The following RGS3 variants were observed in gnomAD, a reference collection of about 807,000 sequenced individuals.
RGS3 encodes regulator of G-protein signalling 3.
Under a neutral mutation model 132.6 loss-of-function variants are expected in RGS3, and 80 were observed. The observed-to-expected ratio is 0.60, with a 90% CI of 0.50 to 0.73. The LOEUF (loss-of-function observed/expected upper bound fraction) is 0.73. Among genes scored for constraint, RGS3 ranks in the 30% least tolerant of loss-of-function variants. The pLI, the probability that RGS3 is intolerant of heterozygous loss-of-function variation, is 0.00. For synonymous variants in RGS3, 598 were observed against 620.6 expected (o/e 0.96, Z 0.54); for missense variants, 1,382 against 1,530.8 (o/e 0.90, Z 1.62).
intron 20 of RGS3, among the ~76,000 whole-genome samples, chr9:113,586,077 A>G (rs935786261): frequency 7.2e-5 from 11 of 152,226 alleles, no homozygotes; most frequent in Non-Finnish European, 1.5e-4. Flanking sequence ...CCCAGACCCT[A>G]TATTTTAAAC....
At chr9:113,556,972 A>G (rs971049913) in intron 19 of RGS3, among the ~76,000 whole-genome samples, 1 of 152,198 alleles carries the variant, frequency 6.6e-6, no homozygotes, top group Non-Finnish European at 1.5e-5. Context: ...TGTCAACAGC[A>G]GCTGCGATGA....
At chr9:113,482,412 A>C (rs1564468708) in intron 4 of RGS3, among the ~76,000 whole-genome samples, 1 of 152,160 alleles carries the variant, frequency 6.6e-6, no homozygotes, top group African/African-American at 2.4e-5. Context: ...AACTCACTCT[A>C]GCTTATATGG....
At chr9:113,479,424 C>G (rs899959497) in intron 3 of RGS3, 67 bp from the exon 2 acceptor site, 1 of 1,451,700 alleles carries the variant, frequency 6.9e-7, no homozygotes, top group Non-Finnish European at 9.7e-7. Context: ...GTCACCTTTC[C>G]TCTAGTTTTT....
intron 10 of RGS3, chr9:113,501,366 A>T (rs942341989): frequency 1.5e-6 from 2 of 1,319,394 alleles, no homozygotes; most frequent in African/African-American, 3.0e-5. Context: ...CTTCCTTGTC[A>T]TTCTGAGGTT....
At chr9:113,446,852 GGGCAGAGACTCAGGAA>G (rs1457871547) in intron 1 of RGS3, among the ~76,000 whole-genome samples, 1 of 152,124 alleles carries the variant, frequency 6.6e-6, no homozygotes, top group Non-Finnish European at 1.5e-5. Flanking sequence ...ATTATCAGTT[GGGCAGAGACTCAGGAA>G]GGCAGTATTT....
At chr9:113,509,956 C>T (rs1831325716) in intron 14 of RGS3, among the ~76,000 whole-genome samples, 1 of 151,978 alleles carries the variant, frequency 6.6e-6, no homozygotes, top group South Asian at 2.1e-4. Context: ...TTTTATTTTT[C>T]CATAGATTAT....
intron 13 of RGS3, 66 bp from the exon 12 acceptor site, chr9:113,508,475 G>A: frequency 6.3e-7 from 1 of 1,595,408 alleles, no homozygotes. Context: ...CCCGTGTCCA[G>A]CAGCCTCCTG....
intron 1 of RGS3, among the ~76,000 whole-genome samples, chr9:113,452,589 A>G (rs1829268751): frequency 6.6e-6 from 1 of 151,798 alleles, no homozygotes; most frequent in Admixed American, 6.6e-5. Context: ...CCCAACCACT[A>G]TTTCTTTAAA....
chr9:113,457,070 A>G (rs1829378546), upstream of RGS3, among the ~76,000 whole-genome samples: 1 of 152,184 alleles, frequency 6.6e-6, no homozygotes, highest in South Asian at 2.1e-4. Context: ...TGCTGGGATT[A>G]CAGGCGTGAG....
chr9:113,509,738 C>T (rs16934489), intron 14 of RGS3, among the ~76,000 whole-genome samples: 9,445 of 151,954 alleles, frequency 0.062, 743 homozygotes, highest in East Asian at 0.37. Context: ...GGTGTGAAGG[C>T]GATGCTTCTA....
At chr9:113,558,426 C>T (rs912495990) in intron 19 of RGS3, among the ~76,000 whole-genome samples, 1 of 152,108 alleles carries the variant, frequency 6.6e-6, no homozygotes, top group African/African-American at 2.4e-5. Context: ...TTGCTTGAAC[C>T]TGGGAGGCGG....
chr9:113,502,380 A>C (rs992677486), intron 10 of RGS3, among the ~76,000 whole-genome samples: 10 of 152,242 alleles, frequency 6.6e-5, no homozygotes, highest in African/African-American at 2.4e-4. Context: ...TATTTGTTTT[A>C]ATGACCAGAT....
chr9:113,460,221 CT>C, upstream of RGS3: 1 of 1,225,792 alleles, frequency 8.2e-7, no homozygotes, highest in Non-Finnish European at 1.0e-6. Flanking sequence ...ACCTTATTTC[CT>C]TTTAAAATTT....
At chr9:113,535,446 T>C (rs1192964689) in intron 18 of RGS3, among the ~76,000 whole-genome samples, 2 of 152,242 alleles carry the variant, frequency 1.3e-5, no homozygotes, top group Non-Finnish European at 2.9e-5. Flanking sequence ...GCTGGGATTA[T>C]AGGCATAAGC....
intron 20 of RGS3, among the ~76,000 whole-genome samples, chr9:113,589,462 C>T (rs535903842): frequency 6.6e-6 from 1 of 152,318 alleles, no homozygotes; most frequent in South Asian, 2.1e-4. Flanking sequence ...GGGTCAGTCC[C>T]TGCTGAAGAC....
chr9:113,452,427 T>C (rs909915583), intron 1 of RGS3, among the ~76,000 whole-genome samples: 7 of 152,028 alleles, frequency 4.6e-5, no homozygotes, highest in Non-Finnish European at 1.0e-4. Context: ...TTTTTTTTTT[T>C]TTTCTGGCTG....
intron 20 of RGS3, chr9:113,589,766 G>C (rs926332961): frequency 6.6e-6 from 1 of 152,314 alleles, no homozygotes; most frequent in Non-Finnish European, 1.5e-5. Flanking sequence ...TGAGGTTAGC[G>C]TGGGTGCCAG....
At chr9:113,594,342 G>T in intron 21 of RGS3, 88 bp from the exon 20 acceptor site, 1 of 1,593,752 alleles carries the variant, frequency 6.3e-7, no homozygotes, top group Non-Finnish European at 8.6e-7. Flanking sequence ...TGAAGGAGTA[G>T]GTGCCCTCGA....
chr9:113,582,365 C>A, intron 19 of RGS3: 1 of 241,908 alleles, frequency 4.1e-6, no homozygotes, highest in Non-Finnish European at 6.7e-6. Context: ...TGCCAGTGTG[C>A]GCGTGTGCCC....
Sources: gnomAD v4.1 joint callset for allele counts (sites outside exome capture counted in the v4.1 genomes callset) on GRCh38, gnomAD v4.1.1 for gene constraint, MANE v1.5 for transcripts, NCBI Gene and HGNC (gene_info 2026-07-23, HGNC 2026-07-21) for gene names.